Variants in ARAP2 observed in about 807,000 individuals in gnomAD.
ARAP2 encodes ArfGAP with RhoGAP domain, ankyrin repeat and PH domain 2.
ARAP2 carries 148 observed loss-of-function variants against 194.5 expected under a neutral mutation model. The observed-to-expected ratio is 0.76, with a 90% CI of 0.67 to 0.87. The LOEUF (loss-of-function observed/expected upper bound fraction) is 0.87. ARAP2 is among the 40% of genes least tolerant of loss of function. The pLI is 0.00. For synonymous variants in ARAP2, 695 were observed against 683.5 expected (o/e 1.02, Z -0.26); for missense variants, 2,128 against 1,989.7 (o/e 1.07, Z -1.32).
intron 3 of ARAP2, 28 bp from the exon 4 acceptor site, chr4:36,213,347 A>C (rs781297355): frequency 4.7e-6 from 7 of 1,475,652 alleles, no homozygotes; most frequent in Non-Finnish European, 6.6e-6. Context: ...GGATGAGAAC[A>C]GAAAGATGTG....
chr4:36,013,863 A>G (rs1022291669), intron 8 of ARAP2, among the ~76,000 whole-genome samples: 12 of 152,210 alleles, frequency 7.9e-5, no homozygotes, highest in Non-Finnish European at 1.3e-4. Context: ...CAGCAGTTAC[A>G]TCAAAAACAT....
Position 36,158,731 on chromosome 4 carries a change from T to G in ARAP2, c.2751A>C (p.Glu917Asp), listed in dbSNP as rs749731957. The G allele has an allele frequency of 6.3e-7, 1 of 1,599,624 alleles. No homozygotes were observed. The highest frequency in any genetic ancestry group is 1.2e-5 in the South Asian group (1 of 86,312). ...SKLSSEKKLL[E>D]ETNKKWCVLE... Reference sequence around the variant, plus strand: ...ATCTAAAAAGAAGAGAAAAAATACCTTCAAGCAGTTTTTTCTCTGAAGAGA... The same window carrying G: ...ATCTAAAAAGAAGAGAAAAAATACCGTCAAGCAGTTTTTTCTCTGAAGAGA... Residue 917 changes from glutamate (E) to aspartate (D), a missense_variant and splice_region_variant, in exon 15 of 33, where the codon GAA (glutamate) becomes GAC (aspartate). Coordinates refer to ENST00000303965, the MANE Select transcript of ARAP2 (RefSeq NM_015230.4).
chr4:36,035,858 C>T (rs879272742), intron 5 of ARAP2, among the ~76,000 whole-genome samples: 1 of 152,094 alleles, frequency 6.6e-6, no homozygotes, highest in African/African-American at 2.4e-5. Flanking sequence ...TTCCATATGT[C>T]TGTCCATCTA....
chr4:36,119,517 A>C (rs1722176916), intron 24 of ARAP2, 133 bp downstream of exon 24: 1 of 494,154 alleles, frequency 2.0e-6, no homozygotes. Context: ...ACAACCAATT[A>C]GTTTTTTTTT....
chr4:36,126,253 C>G (rs942979330), intron 21 of ARAP2, among the ~76,000 whole-genome samples: 8 of 152,012 alleles, frequency 5.3e-5, no homozygotes, highest in African/African-American at 1.9e-4. Flanking sequence ...CAGTTTCTAA[C>G]TGTAGGAGAA....
At chr4:36,236,231 C>T (rs901535065) in intron 1 of ARAP2, among the ~76,000 whole-genome samples, 5 of 151,506 alleles carry the variant, frequency 3.3e-5, no homozygotes, top group Middle Eastern at 3.4e-3. Context: ...CCTAATGTCT[C>T]GAATAAGGAA....
chr4:36,127,859 T>C (rs1197371919), intron 21 of ARAP2, among the ~76,000 whole-genome samples: 1 of 151,830 alleles, frequency 6.6e-6, no homozygotes, highest in African/African-American at 2.4e-5. Flanking sequence ...AGTAAAAAGG[T>C]GGAATGAAAG....
intron 29 of ARAP2, among the ~76,000 whole-genome samples, chr4:36,082,833 G>A (rs1006434879): frequency 6.6e-6 from 1 of 152,148 alleles, no homozygotes; most frequent in African/African-American, 2.4e-5. Flanking sequence ...GGTACATGAA[G>A]TGTTAAAGAG....
chr4:36,159,299 G>A, intron 14 of ARAP2, 32 bp downstream of exon 14: 3 of 1,527,392 alleles, frequency 2.0e-6, no homozygotes, highest in Non-Finnish European at 2.7e-6. Flanking sequence ...TCTATCAGAA[G>A]AGACCAGGTT....
At chr4:36,151,806 T>C (rs960437956) in intron 15 of ARAP2, among the ~76,000 whole-genome samples, 1 of 152,162 alleles carries the variant, frequency 6.6e-6, no homozygotes, top group African/African-American at 2.4e-5. Context: ...TACATATGTA[T>C]GTGTATTATA....
intron 19 of ARAP2, among the ~76,000 whole-genome samples, chr4:36,136,542 A>T (rs993686484): frequency 2.0e-5 from 3 of 151,852 alleles, no homozygotes; most frequent in African/African-American, 7.2e-5. Context: ...GCCTTCACAA[A>T]TAATAGATCA....
At chr4:36,149,639 C>T (rs2109715393) in intron 16 of ARAP2, among the ~76,000 whole-genome samples, 1 of 152,084 alleles carries the variant, frequency 6.6e-6, no homozygotes, top group South Asian at 2.1e-4. Flanking sequence ...TTTTATATTT[C>T]ATTTACTACT....
intron 28 of ARAP2, among the ~76,000 whole-genome samples, chr4:36,086,666 T>C (rs1004129633): frequency 6.6e-6 from 1 of 152,158 alleles, no homozygotes; most frequent in African/African-American, 2.4e-5. Flanking sequence ...CTGAAATGTG[T>C]TGCTTCAGCC....
At chr4:36,040,730 G>A (rs1720717858) in intron 5 of ARAP2, among the ~76,000 whole-genome samples, 1 of 152,120 alleles carries the variant, frequency 6.6e-6, no homozygotes, top group Admixed American at 6.5e-5. Flanking sequence ...AAAGGAAGGA[G>A]CTTTTGGGTC....
intron 27 of ARAP2, among the ~76,000 whole-genome samples, chr4:36,102,362 T>C (rs957273673): frequency 2.0e-5 from 3 of 152,038 alleles, no homozygotes; most frequent in Non-Finnish European, 4.4e-5. Context: ...TCTGATGATA[T>C]ATACTCTGGA....
At chr4:36,197,073 C>G (rs998491527) in intron 6 of ARAP2, among the ~76,000 whole-genome samples, 2 of 151,702 alleles carry the variant, frequency 1.3e-5, no homozygotes, top group African/African-American at 4.8e-5. Context: ...GTATACCACC[C>G]ATACTAGATT....
chr4:36,103,079 G>T (rs16991931), intron 27 of ARAP2, among the ~76,000 whole-genome samples: 23,327 of 151,552 alleles, frequency 0.15, 4,070 homozygotes, highest in African/African-American at 0.43. Flanking sequence ...TGCTGAAATT[G>T]TCTTTTTTTT....
intron 5 of ARAP2, among the ~76,000 whole-genome samples, chr4:36,030,052 A>G (rs1406048395): frequency 6.6e-6 from 1 of 151,906 alleles, no homozygotes; most frequent in African/African-American, 2.4e-5. Context: ...TTACTAGTCA[A>G]CTCTTAGTTG....
intron 2 of ARAP2, among the ~76,000 whole-genome samples, chr4:36,052,927 C>A (rs1452417899): frequency 6.6e-6 from 1 of 152,182 alleles, no homozygotes; most frequent in Non-Finnish European, 1.5e-5. Flanking sequence ...CGAGATAGCA[C>A]CATGAATTCA....
Sources: allele counts gnomAD v4.1 joint callset (sites outside exome capture counted in the v4.1 genomes callset), GRCh38; gene constraint gnomAD v4.1.1; transcripts MANE v1.5; gene names NCBI Gene and HGNC (gene_info 2026-07-23, HGNC 2026-07-21).